The following MYO15A variants were observed in gnomAD, a reference collection of about 807,000 sequenced individuals.
The protein encoded by MYO15A is myosin XVA.
MYO15A carries 308 observed loss-of-function variants against 394.6 expected under a neutral mutation model. The observed-to-expected ratio is 0.78, with a 90% CI of 0.71 to 0.86. The LOEUF (loss-of-function observed/expected upper bound fraction) is 0.86, where lower values mean the gene tolerates loss of function less well. MYO15A is among the 40% of genes least tolerant of loss of function. The pLI is 0.00. For synonymous variants in MYO15A, 1,957 were observed against 2,003.8 expected (o/e 0.98, Z 0.62); for missense variants, 4,606 against 4,799.1 (o/e 0.96, Z 1.19).
rs749146534 is a variant in MYO15A at position 18,119,334 on chromosome 17, C to G, written c.534C>G (p.Ala178=). ...GCAAACTCCCCTTCCCGTCGGGTGC[C>G]GAGATCCTGCGGCCTGGGGGCCGGC... is the stretch of plus-strand genomic sequence containing the variant. ...GSRKLPFPSG[A]EILRPGGRLR... is the part of the protein sequence containing the mutation. The change falls in exon 2 of 66, where the codon GCC becomes GCG. Residue 178 remains alanine, a synonymous_variant. Coordinates refer to ENST00000647165, the MANE Select transcript of MYO15A (RefSeq NM_016239.4). 3.1e-6 allele frequency: 5 copies of G among 1,609,452 alleles called. No individual in the cohort carries two copies. Among genetic ancestry groups the G allele is most frequent in the Admixed American group, 3.3e-5 (2 of 59,952 alleles).
In MYO15A at chr17:18,141,022, C is replaced by A. The variant is rs751862155; in HGVS notation, c.5410C>A (p.Pro1804Thr). Reference sequence around the variant, plus strand: ...CCCTCTCTGGGCATCCCTACAGGAGCCAGGTCTCTTTGAGCCAGATGTGGT... The same window carrying A: ...CCCTCTCTGGGCATCCCTACAGGAGACAGGTCTCTTTGAGCCAGATGTGGT... Reference protein sequence around the residue: ...RCLKPNHKKEPGLFEPDVVMA... With the variant: ...RCLKPNHKKETGLFEPDVVMA... Residue 1804 changes from proline to threonine, a missense_variant, in exon 22 of 66, where the codon CCA (proline) becomes ACA (threonine). Pro to Thr is a conservative substitution (Grantham distance 38). Transcript: ENST00000647165. 1.2e-6 allele frequency: 2 copies of A among 1,613,920 alleles called. No individual in the cohort carries two copies. Among genetic ancestry groups the A allele is most frequent in the African/African-American group, 1.3e-5 (1 of 75,048 alleles).
chr17:18,144,148 G>C, intron 28 of MYO15A, 148 bp downstream of exon 28: 1 of 1,360,848 alleles, frequency 7.3e-7, no homozygotes, highest in East Asian at 2.5e-5. Context: ...GGGAATCTGG[G>C]AGATCCCTGA....
At chr17:18,125,114 C>G in intron 3 of MYO15A, 54 bp from the exon 4 acceptor site, 1 of 1,559,904 alleles carries the variant, frequency 6.4e-7, no homozygotes, top group Non-Finnish European at 8.8e-7. Context: ...GGAGGGAGAC[C>G]CATGCCAGAA....
At chr17:18,169,940 C>A (rs56317283) in intron 62 of MYO15A, among the ~76,000 whole-genome samples, 2,667 of 131,912 alleles carry the variant, frequency 0.02, 34 homozygotes, top group Non-Finnish European at 0.03. Context: ...CACTGGACTC[C>A]AGCCTAGGTA....
Position 18,141,045 on chromosome 17 carries a change from G to A in MYO15A, c.5433G>A (p.Val1811=). Residue 1811 remains valine (V), a synonymous_variant, in exon 22 of 66, where the codon GTG becomes GTA. Transcript: ENST00000647165. ...KKEPGLFEPD[V]VMAQLRYSGV... ...AGCCAGGTCTCTTTGAGCCAGATGT[G>A]GTAATGGCACAATTACGCTATTCAG... 6.2e-7 allele frequency: 1 copy of A among 1,614,028 alleles called. No homozygotes were observed. The highest frequency in any genetic ancestry group is 8.5e-7 in the Non-Finnish European group (1 of 1,180,048).
At position 18,150,059 on chromosome 17, in the gene MYO15A, C is replaced by A; in HGVS notation, c.7213-370C>A. 1 of 352,360 alleles carries A rather than the reference C, an allele frequency of 2.8e-6. No homozygotes were observed. The highest frequency in any genetic ancestry group is 5.3e-6 in the Non-Finnish European group (1 of 187,588). 21.8% of individuals were successfully genotyped at this position (352,360 alleles called of 1,614,324 possible). A position where few individuals can be genotyped will look rare whatever the true frequency, so the allele number is the denominator to read the frequency against. On this transcript the variant is annotated intron_variant, in intron 35 of 65. Coordinates refer to ENST00000647165, the MANE Select transcript of MYO15A (RefSeq NM_016239.4). The surrounding 1 kb of genome is among the most constrained non-coding windows in gnomAD (Gnocchi z 4.4). ...CTGGATGGAGTTGAATGACCTTGGT[C>A]CCCGGGTCTTCTAGCCCCAGATCTC...
intron 35 of MYO15A, 149 bp downstream of exon 35, chr17:18,149,729 A>G: frequency 1.2e-6 from 1 of 806,750 alleles, no homozygotes. Context: ...GAGGCTGGAC[A>G]AAGGATGAGG....
rs1294796868 is a variant in MYO15A, at chr17:18,138,913, T to C, written c.5110T>C (p.Tyr1704His). 1 of 1,612,928 alleles carries C rather than the reference T, an allele frequency of 6.2e-7. No individual in the cohort carries two copies. ...MPLPEFTIKH[Y>H]AGKVTYQVHK... ...GCTGCCTGAGTTCACCATCAAGCAC[T>C]ATGCAGGCAAGGTCACCTACCAGGT... Residue 1704 changes from tyrosine to histidine, a missense_variant, in exon 18 of 66, where the codon TAT becomes CAT. By Grantham distance (83) the Tyr-to-His change is moderately conservative. This residue lies in a region of MYO15A where 2,776 missense variants were observed against 3,109.3 expected (regional missense o/e 0.89). Coordinates refer to ENST00000647165, the MANE Select transcript of MYO15A (RefSeq NM_016239.4).
At chr17:18,158,197 T>C in intron 51 of MYO15A, 1 of 588,304 alleles carries the variant, frequency 1.7e-6, no homozygotes, top group East Asian at 2.9e-5. Context: ...TGGTGAAGTC[T>C]ACTGGGTTTG....
rs1235122771 is a variant in MYO15A, at chr17:18,133,403, G to A, written c.4482+17G>A. 8.7e-6 allele frequency: 14 copies of A among 1,613,530 alleles called. No individual in the cohort carries two copies. Among genetic ancestry groups the A allele is most frequent in the Non-Finnish European group, 1.1e-5 (13 of 1,179,760 alleles). The stretch of plus-strand genomic sequence containing the variant: ...AAGTATGAGGTGAGGGGACGCCACA[G>A]CCTGCCATGGGGCCCGCACCCTCTG... On this transcript the variant is annotated intron_variant, in intron 12 of 65. Coordinates refer to ENST00000647165, the MANE Select transcript of MYO15A (RefSeq NM_016239.4).
Position 18,150,061 on chromosome 17 carries a change from C to G in MYO15A, c.7213-368C>G, listed in dbSNP as rs566046440. On this transcript the variant is annotated intron_variant, in intron 35 of 65. Transcript: ENST00000647165. The surrounding 1 kb of genome is among the most constrained non-coding windows in gnomAD (Gnocchi z 4.4). Reference sequence around the variant, plus strand: ...GGATGGAGTTGAATGACCTTGGTCCCCGGGTCTTCTAGCCCCAGATCTCAC... The same window carrying G: ...GGATGGAGTTGAATGACCTTGGTCCGCGGGTCTTCTAGCCCCAGATCTCAC... 4.2e-5 allele frequency: 15 copies of G among 354,624 alleles called. No homozygotes were observed. Among genetic ancestry groups the G allele is most frequent in the Admixed American group, 2.9e-4 (7 of 23,898 alleles). 22.0% of individuals were successfully genotyped at this position (354,624 alleles called of 1,614,324 possible). A position where few individuals can be genotyped will look rare whatever the true frequency, so the allele number is the denominator to read the frequency against.
At position 18,162,671 on chromosome 17, in the gene MYO15A, G is replaced by A. The variant is rs1160828142; in HGVS notation, c.9604G>A (p.Ala3202Thr). 3 of 1,613,950 alleles carry A rather than the reference G, an allele frequency of 1.9e-6. No individual in the cohort carries two copies. Among genetic ancestry groups the A allele is most frequent in the Non-Finnish European group, 2.5e-6 (3 of 1,179,904 alleles). Residue 3202 changes from alanine to threonine, a missense_variant, in exon 58 of 66, where the codon GCC becomes ACC. Transcript: ENST00000647165. The part of the protein sequence containing the change: ...LELPSSIELR[A>T]MLAGRSSKRQ... The stretch of plus-strand genomic sequence containing the variant: ...GCTCCCCAGCAGCATAGAGCTTCGG[G>A]CCATGTTGGTGAGCATAGGGTGGGA...
At chr17:18,151,989 G>A (rs754639933) in intron 41 of MYO15A, 38 bp downstream of exon 41, 2 of 1,547,318 alleles carry the variant, frequency 1.3e-6, no homozygotes, top group South Asian at 2.4e-5. Context: ...AGGTGGAACA[G>A]AAGACAAAGA....
At chr17:18,114,803 G>A (rs537134589) in intron 1 of MYO15A, among the ~76,000 whole-genome samples, 129 of 152,188 alleles carry the variant, frequency 8.5e-4, no homozygotes, top group African/African-American at 3.0e-3. Flanking sequence ...GGCTGGCTTC[G>A]TGGTGCTCAC....
chr17:18,122,610 C>A, intron 2 of MYO15A: 1 of 759,722 alleles, frequency 1.3e-6, no homozygotes, highest in Non-Finnish European at 2.0e-6. Flanking sequence ...CCAGCACAGG[C>A]AGGCCCAGGA....
Position 18,117,699 on chromosome 17 carries a change from CT to C in MYO15A, c.-219-880del, listed in dbSNP as rs1175087124. 6.6e-6 allele frequency among the ~76,000 whole-genome samples: 1 copy of C among 152,174 alleles called. No homozygotes were observed. The highest frequency in any genetic ancestry group is 1.5e-5 in the Non-Finnish European group (1 of 68,030). ...TGAGTTAGACTGGCCACCAACCAGA[CT>C]TTGGACATGCAGCCTTAGGTCAGGC... On this transcript the variant is annotated intron_variant, in intron 1 of 65. Coordinates refer to ENST00000647165, the MANE Select transcript of MYO15A (RefSeq NM_016239.4). This position sits in a 1 kb window ranked among gnomAD's most constrained non-coding sequence, Gnocchi z 4.1.
intron 61 of MYO15A, 74 bp downstream of exon 61, chr17:18,166,595 C>A: frequency 1.3e-6 from 2 of 1,580,212 alleles, no homozygotes; most frequent in Non-Finnish European, 1.7e-6. Flanking sequence ...GACTCCACAG[C>A]CTTGGTGTTT....
chr17:18,130,996 C>T (rs2046151261), intron 8 of MYO15A, among the ~76,000 whole-genome samples, 186 bp downstream of exon 8: 1 of 151,580 alleles, frequency 6.6e-6, no homozygotes, highest in Non-Finnish European at 1.5e-5. Context: ...CTGTGGGGGG[C>T]CATGGAGGCT....
chr17:18,142,679 G>A, intron 24 of MYO15A, 77 bp from the exon 25 acceptor site: 6 of 1,291,684 alleles, frequency 4.6e-6, no homozygotes, highest in Non-Finnish European at 6.7e-6. Flanking sequence ...GGCCAGGCTG[G>A]CAAGGGCCTC....
Sources: gnomAD v4.1 joint callset for allele counts (sites outside exome capture counted in the v4.1 genomes callset) on GRCh38, gnomAD v4.1.1 for gene constraint, gnomAD v4.1.1 regional missense constraint, Gnocchi (gnomAD v3.1) non-coding constraint, MANE v1.5 for transcripts, NCBI Gene and HGNC (gene_info 2026-07-23, HGNC 2026-07-21) for gene names.